Variants in CACNA2D3 observed in about 807,000 individuals in gnomAD.
The protein encoded by CACNA2D3 is voltage-dependent calcium channel subunit alpha-2/delta-3.
CACNA2D3 carries 60 observed loss-of-function variants against 160.6 expected under a neutral mutation model. That is an observed-to-expected ratio of 0.37 (90% CI 0.30 to 0.46). The LOEUF (loss-of-function observed/expected upper bound fraction) is 0.46, where lower values mean the gene tolerates loss of function less well. Ranked by LOEUF, CACNA2D3 falls within the 20% of genes least tolerant of loss-of-function variation. The pLI is 1.00. For synonymous variants in CACNA2D3, 558 were observed against 492.9 expected (o/e 1.13, Z -1.75); for missense variants, 1,205 against 1,365.0 (o/e 0.88, Z 1.85).
In CACNA2D3 at chr3:54,888,067, G is replaced by A. The variant is rs373850887; in HGVS notation, c.2150+15G>A. ...AACAAATCTGAGTAAGTGGTTGCAC[G>A]TGTCCTCGTTTCATGGCCATTTCCT... is the stretch of plus-strand genomic sequence containing the variant. On this transcript the variant is annotated intron_variant, in intron 24 of 37. Coordinates refer to ENST00000474759, the MANE Select transcript of CACNA2D3 (RefSeq NM_018398.3). The A allele has an allele frequency of 3.3e-5, 53 of 1,590,850 alleles. No individual in the cohort carries two copies. The highest frequency in any genetic ancestry group is 1.5e-4 in the African/African-American group (11 of 74,552).
intron 2 of CACNA2D3, among the ~76,000 whole-genome samples, chr3:54,255,806 A>G (rs998322114): frequency 6.6e-6 from 1 of 152,116 alleles, no homozygotes; most frequent in African/African-American, 2.4e-5. Context: ...TACTCTGGGA[A>G]TCTCTCAAAT....
intron 2 of CACNA2D3, among the ~76,000 whole-genome samples, chr3:54,145,234 C>T (rs1004917925): frequency 3.3e-5 from 5 of 152,144 alleles, no homozygotes; most frequent in Non-Finnish European, 5.9e-5. Context: ...AATTAAAATG[C>T]GGTAAGTTGC....
intron 16 of CACNA2D3, among the ~76,000 whole-genome samples, chr3:54,840,472 A>G (rs1453394116): frequency 3.2e-5 from 4 of 124,328 alleles, no homozygotes; most frequent in African/African-American, 6.3e-5. Context: ...GTGCAGTGGC[A>G]CCGTCTCAGC....
intron 11 of CACNA2D3, among the ~76,000 whole-genome samples, chr3:54,699,639 C>G (rs150870925): frequency 3.9e-5 from 6 of 152,226 alleles, no homozygotes; most frequent in Non-Finnish European, 7.4e-5. Context: ...AGCAGTGATT[C>G]TTCTGAATTG....
At chr3:54,390,872 A>G (rs1030276069) in intron 4 of CACNA2D3, among the ~76,000 whole-genome samples, 3 of 152,114 alleles carry the variant, frequency 2.0e-5, no homozygotes, top group Admixed American at 1.3e-4. Context: ...CCTCTCAGCA[A>G]CCCCTGGCAG....
At chr3:54,548,728 G>A (rs991135771) in intron 5 of CACNA2D3, among the ~76,000 whole-genome samples, 5 of 152,200 alleles carry the variant, frequency 3.3e-5, no homozygotes, top group African/African-American at 1.2e-4. Flanking sequence ...CATGGTGCCT[G>A]TTAAACCAAT....
intron 13 of CACNA2D3, among the ~76,000 whole-genome samples, chr3:54,764,701 C>T (rs150161851): frequency 9.2e-5 from 14 of 152,294 alleles, no homozygotes; most frequent in African/African-American, 3.4e-4. Context: ...ATATGAGCCC[C>T]AGTCCTGGCA....
intron 4 of CACNA2D3, among the ~76,000 whole-genome samples, chr3:54,473,754 A>G (rs1340200381): frequency 6.6e-6 from 1 of 152,230 alleles, no homozygotes; most frequent in Non-Finnish European, 1.5e-5. Flanking sequence ...AAAAGAAGAC[A>G]TTTATGCGGC....
At chr3:54,582,290 G>T (rs900263442) in intron 9 of CACNA2D3, among the ~76,000 whole-genome samples, 10 of 152,146 alleles carry the variant, frequency 6.6e-5, no homozygotes, top group Non-Finnish European at 1.3e-4. Flanking sequence ...GCTATTAAAG[G>T]TAAGCTTTTC....
At chr3:54,179,977 A>G (rs570679871) in intron 2 of CACNA2D3, among the ~76,000 whole-genome samples, 1 of 151,446 alleles carries the variant, frequency 6.6e-6, no homozygotes, top group East Asian at 1.9e-4. Context: ...GGCTATCAGT[A>G]TGCCTTGGAA....
chr3:54,851,642 G>A (rs908110071), intron 17 of CACNA2D3, among the ~76,000 whole-genome samples: 2 of 152,130 alleles, frequency 1.3e-5, no homozygotes, highest in African/African-American at 4.8e-5. Flanking sequence ...ACTTAACACT[G>A]TCCAGTAGGA....
chr3:54,548,384 A>G (rs1475029874), intron 5 of CACNA2D3, among the ~76,000 whole-genome samples: 2 of 152,230 alleles, frequency 1.3e-5, no homozygotes, highest in African/African-American at 2.4e-5. Flanking sequence ...GTTGTGTTCT[A>G]CCTGAAATCA....
At chr3:54,807,987 T>G (rs1347913129) in intron 13 of CACNA2D3, among the ~76,000 whole-genome samples, 2 of 136,536 alleles carry the variant, frequency 1.5e-5, no homozygotes, top group Non-Finnish European at 3.1e-5. Flanking sequence ...TTCTCACTCA[T>G]AGGTGGGAAT....
At chr3:54,285,750 G>A (rs576336674) in intron 2 of CACNA2D3, among the ~76,000 whole-genome samples, 11 of 152,290 alleles carry the variant, frequency 7.2e-5, no homozygotes, top group African/African-American at 2.6e-4. Context: ...GGAAGATCAG[G>A]CAGCAGCATT....
intron 32 of CACNA2D3, among the ~76,000 whole-genome samples, chr3:55,006,696 ATTG>A (rs149123015): frequency 0.15 from 22,337 of 151,814 alleles, 1,777 homozygotes; most frequent in African/African-American, 0.19. Flanking sequence ...GAGCCTCAGC[ATTG>A]TTGTTGTTGT....
intron 2 of CACNA2D3, among the ~76,000 whole-genome samples, chr3:54,186,504 A>T (rs1300815472): frequency 6.6e-6 from 1 of 152,162 alleles, no homozygotes; most frequent in Non-Finnish European, 1.5e-5. Flanking sequence ...TATTTGAAAG[A>T]TCTGAAGGTG....
At chr3:54,720,996 T>C (rs1026595713) in intron 11 of CACNA2D3, among the ~76,000 whole-genome samples, 1 of 152,176 alleles carries the variant, frequency 6.6e-6, no homozygotes, top group Non-Finnish European at 1.5e-5. Context: ...ATGTTTCTAG[T>C]TGATTAATCT....
intron 2 of CACNA2D3, among the ~76,000 whole-genome samples, chr3:54,206,378 T>A (rs1701277313): frequency 6.6e-6 from 1 of 152,136 alleles, no homozygotes; most frequent in Non-Finnish European, 1.5e-5. Context: ...GAGCTCAGAT[T>A]ATTATGAGGT....
intron 27 of CACNA2D3, among the ~76,000 whole-genome samples, chr3:54,929,037 G>A (rs891713800): frequency 6.6e-6 from 1 of 152,128 alleles, no homozygotes; most frequent in South Asian, 2.1e-4. Flanking sequence ...CTGTGTGTAC[G>A]CTTTTATGGA....
Sources: allele counts gnomAD v4.1 joint callset (sites outside exome capture counted in the v4.1 genomes callset), GRCh38; gene constraint gnomAD v4.1.1; transcripts MANE v1.5; gene names NCBI Gene and HGNC (gene_info 2026-07-23, HGNC 2026-07-21).